B4GALT6: variants seen among roughly 807,000 people sequenced by gnomAD.
The protein encoded by B4GALT6 is beta-1,4-galactosyltransferase 6.
Under a neutral mutation model 46.3 loss-of-function variants are expected in B4GALT6, and 14 were observed. The observed-to-expected ratio is 0.30, with a 90% CI of 0.20 to 0.47. The LOEUF (loss-of-function observed/expected upper bound fraction) is 0.47. Among genes scored for constraint, B4GALT6 ranks in the 20% least tolerant of loss-of-function variants. B4GALT6 has a pLI of 0.99. For synonymous variants in B4GALT6, 168 were observed against 162.0 expected (o/e 1.04, Z -0.28); for missense variants, 386 against 480.1 (o/e 0.80, Z 1.83).
At chr18:31,639,483 T>C (rs937570390) in intron 4 of B4GALT6, among the ~76,000 whole-genome samples, 40 of 152,206 alleles carry the variant, frequency 2.6e-4, no homozygotes, top group African/African-American at 9.2e-4. Context: ...TACATGATAT[T>C]GCCCCAAAAT....
intron 4 of B4GALT6, among the ~76,000 whole-genome samples, chr18:31,642,310 T>C (rs568542980): frequency 9.2e-5 from 14 of 152,164 alleles, no homozygotes; most frequent in Non-Finnish European, 1.3e-4. Context: ...TTCAAAGCAC[T>C]GGGATTACGG....
chr18:31,705,593 T>C, the B4GALT6 span, among the ~76,000 whole-genome samples: 1 of 152,188 alleles, frequency 6.6e-6, no homozygotes, highest in Non-Finnish European at 1.5e-5. Context: ...TTCGCCACAT[T>C]GGCCAGGCTG....
chr18:31,650,188 A>G lies in B4GALT6; in HGVS notation c.347-4709T>C, dbSNP rs541411006. Among the ~76,000 whole-genome samples the G allele has an allele frequency of 3.3e-5, 5 of 152,306 alleles. No homozygotes were observed. In the South Asian group the frequency reaches 1.0e-3, roughly 32 times the overall value. On this transcript the variant is annotated intron_variant, in intron 3 of 8. Transcript: ENST00000306851. ...CTGCTATATCCACACTGGCCTCTGT[A>G]TAAAGTGGTTTGCTAATTTTGATGT...
intron 4 of B4GALT6, among the ~76,000 whole-genome samples, chr18:31,644,841 T>C (rs1187098830): frequency 6.6e-6 from 1 of 152,224 alleles, no homozygotes; most frequent in Non-Finnish European, 1.5e-5. Flanking sequence ...ACTTTTCAAG[T>C]CCCACAGTGA....
At chr18:31,718,377 G>C in the B4GALT6 span, among the ~76,000 whole-genome samples, 1 of 152,196 alleles carries the variant, frequency 6.6e-6, no homozygotes. Flanking sequence ...AAGAAACCCA[G>C]GTCTATCTAA....
the B4GALT6 span, among the ~76,000 whole-genome samples, chr18:31,701,364 T>A: frequency 6.6e-6 from 1 of 152,226 alleles, no homozygotes; most frequent in Non-Finnish European, 1.5e-5. Context: ...GTAAATCTCC[T>A]GAGGCCTCCC....
the B4GALT6 span, chr18:31,718,862 A>G: frequency 6.6e-6 from 1 of 152,192 alleles, no homozygotes; most frequent in Non-Finnish European, 1.5e-5. Context: ...CCTCAGCAAG[A>G]AGCTACCAAG....
At chr18:31,710,984 T>C in the B4GALT6 span, among the ~76,000 whole-genome samples, 2 of 152,188 alleles carry the variant, frequency 1.3e-5, no homozygotes, top group African/African-American at 4.8e-5. Flanking sequence ...GGCTGCCACA[T>C]TGAGTTGTAC....
chr18:31,702,773 T>G, the B4GALT6 span, among the ~76,000 whole-genome samples: 2 of 152,200 alleles, frequency 1.3e-5, no homozygotes, highest in Non-Finnish European at 2.9e-5. Flanking sequence ...ACTTCTCTTC[T>G]CTTCGCTCAT....
chr18:31,723,423 C>T, the B4GALT6 span, among the ~76,000 whole-genome samples: 4 of 152,142 alleles, frequency 2.6e-5, no homozygotes, highest in African/African-American at 9.7e-5. Flanking sequence ...ACTTTAACAA[C>T]CTAAGCGTCT....
chr18:31,649,880 C>T (rs924839537), intron 3 of B4GALT6, among the ~76,000 whole-genome samples: 2 of 152,188 alleles, frequency 1.3e-5, no homozygotes, highest in Non-Finnish European at 2.9e-5. Flanking sequence ...ACAGAACTAC[C>T]ATTTGATCCA....
At chr18:31,656,153 G>T (rs2074135848) in intron 3 of B4GALT6, among the ~76,000 whole-genome samples, 1 of 151,868 alleles carries the variant, frequency 6.6e-6, no homozygotes, top group Non-Finnish European at 1.5e-5. Flanking sequence ...GATATTAGAA[G>T]GTCAATCTTT....
the B4GALT6 span, chr18:31,719,317 G>C: frequency 6.6e-6 from 1 of 152,282 alleles, no homozygotes; most frequent in Admixed American, 6.5e-5. Context: ...CAGAGCAGGG[G>C]GCAAGGAGAA....
intron 3 of B4GALT6, among the ~76,000 whole-genome samples, chr18:31,649,385 G>C (rs147855825): frequency 2.0e-5 from 3 of 152,264 alleles, no homozygotes; most frequent in Non-Finnish European, 4.4e-5. Flanking sequence ...ATGAATGAAT[G>C]AGTAGGAAGA....
the B4GALT6 span, among the ~76,000 whole-genome samples, chr18:31,691,606 T>C: frequency 6.6e-6 from 1 of 152,106 alleles, no homozygotes; most frequent in Non-Finnish European, 1.5e-5. Flanking sequence ...CCATTTTCTA[T>C]TCATTTATTA....
At chr18:31,643,925 T>C (rs2073960508) in intron 4 of B4GALT6, among the ~76,000 whole-genome samples, 1 of 152,220 alleles carries the variant, frequency 6.6e-6, no homozygotes, top group Non-Finnish European at 1.5e-5. Context: ...TGAGTATGCT[T>C]CTTTTTCTAT....
the B4GALT6 span, among the ~76,000 whole-genome samples, chr18:31,718,319 A>C: frequency 2.0e-5 from 3 of 152,258 alleles, no homozygotes; most frequent in South Asian, 6.2e-4. Context: ...TGCACAGGAC[A>C]GCTCCAACAA....
chr18:31,691,465 A>G, the B4GALT6 span, among the ~76,000 whole-genome samples: 2 of 151,774 alleles, frequency 1.3e-5, no homozygotes, highest in African/African-American at 4.8e-5. Context: ...TAAAATATAT[A>G]GATGAAAGAT....
chr18:31,667,724 T>C (rs1250521271), intron 1 of B4GALT6, among the ~76,000 whole-genome samples: 3 of 152,166 alleles, frequency 2.0e-5, no homozygotes, highest in Non-Finnish European at 4.4e-5. Context: ...TTCTAGAAAG[T>C]AGTCTTATAA....
Sources: gnomAD v4.1 joint callset for allele counts (sites outside exome capture counted in the v4.1 genomes callset) on GRCh38, gnomAD v4.1.1 for gene constraint, MANE v1.5 for transcripts, NCBI Gene and HGNC (gene_info 2026-07-23, HGNC 2026-07-21) for gene names.